GID4: variants seen among roughly 807,000 people sequenced by gnomAD.
The protein encoded by GID4 is glucose-induced degradation protein 4 homolog.
In GID4, 7 loss-of-function variants were observed where a neutral mutation model predicts 32.4. The ratio of observed to expected loss-of-function variants is 0.22; its 90% CI spans 0.12 to 0.41. GID4 has a LOEUF of 0.41. GID4 is among the 10% of genes least tolerant of loss of function. The pLI is 1.00. For missense variants in GID4, 309 were observed against 400.0 expected (o/e 0.77, Z 1.94); for synonymous variants, 166 against 170.0 (o/e 0.98, Z 0.18).
intron 2 of GID4, among the ~76,000 whole-genome samples, chr17:18,047,644 A>G (rs1323562309): frequency 6.6e-6 from 1 of 152,206 alleles, no homozygotes; most frequent in Non-Finnish European, 1.5e-5. Context: ...ACCTCTGCAG[A>G]TGGCGTGGCC....
intron 1 of GID4, among the ~76,000 whole-genome samples, chr17:18,042,781 C>T (rs1567583954): frequency 1.3e-5 from 2 of 152,218 alleles, no homozygotes; most frequent in Non-Finnish European, 2.9e-5. Context: ...GTTCCAGTTT[C>T]TCCACATCCC....
chr17:18,042,606 A>G (rs1353674361), intron 1 of GID4, among the ~76,000 whole-genome samples: 1 of 152,242 alleles, frequency 6.6e-6, no homozygotes, highest in Non-Finnish European at 1.5e-5. Context: ...TACTATGAAT[A>G]ATACTGCTAT....
In GID4 at chr17:18,061,292, G is replaced by T. The variant is rs945845707; in HGVS notation, c.709-553G>T. 6.6e-6 allele frequency among the ~76,000 whole-genome samples: 1 copy of T among 152,088 alleles called. No homozygotes were observed. Among genetic ancestry groups the T allele is most frequent in the Non-Finnish European group, 1.5e-5 (1 of 68,030 alleles). On this transcript the variant is annotated intron_variant, in intron 4 of 5. Coordinates refer to ENST00000268719, the MANE Select transcript of GID4 (RefSeq NM_024052.5). This position sits in a 1 kb window ranked among gnomAD's most constrained non-coding sequence, Gnocchi z 4.4. ...GTGGCAAGCTTGCCTCTCTCCTAAG[G>T]TCCCTGGTAAAGAACAGTACCGTTC...
chr17:18,063,962 C>T (rs925189728), intron 5 of GID4, among the ~76,000 whole-genome samples: 4 of 152,192 alleles, frequency 2.6e-5, no homozygotes, highest in Admixed American at 6.5e-5. Context: ...AGGCCTGTCT[C>T]GAACTCCTGA....
At position 18,039,772 on chromosome 17, in the gene GID4, C is replaced by T. The variant is rs752508173; in HGVS notation, c.308C>T (p.Ser103Leu). 1 of 1,574,328 alleles carries T rather than the reference C, an allele frequency of 6.4e-7. No homozygotes were observed. Among genetic ancestry groups the T allele is most frequent in the Non-Finnish European group, 8.6e-7 (1 of 1,162,536 alleles). The stretch of plus-strand genomic sequence containing the variant: ...GGTGCCTCCGCTGCCTCCGCGGCCT[C>T]ACTCATCCCGCCGCCGCCCATCAAC... The part of the protein sequence containing the change: ...PAGASAASAA[S>L]LIPPPPINTQ... The change falls in exon 1 of 6, where the codon TCA becomes TTA. Residue 103 changes from serine to leucine, a missense_variant. Coordinates refer to ENST00000268719, the MANE Select transcript of GID4 (RefSeq NM_024052.5). The surrounding 1 kb of genome is among the most constrained non-coding windows in gnomAD (Gnocchi z 5.3).
chr17:18,047,420 A>G (rs1395016023), intron 2 of GID4, among the ~76,000 whole-genome samples: 8 of 152,262 alleles, frequency 5.3e-5, no homozygotes, highest in African/African-American at 1.9e-4. Flanking sequence ...TTTGGGTGAT[A>G]ACAAGCTGCA....
At chr17:18,056,849 C>G (rs1164160669) in intron 3 of GID4, 2 of 1,550,532 alleles carry the variant, frequency 1.3e-6, no homozygotes, top group East Asian at 4.9e-5. Context: ...GCTTCCTCCT[C>G]CAACAGTTTG....
chr17:18,059,649 A>G (rs567675074), intron 4 of GID4, among the ~76,000 whole-genome samples: 4 of 152,326 alleles, frequency 2.6e-5, no homozygotes, highest in East Asian at 1.9e-4. Flanking sequence ...AGTTTGTTAA[A>G]TAACTTTGAG....
intron 4 of GID4, among the ~76,000 whole-genome samples, chr17:18,060,766 C>T (rs984648929): frequency 1.1e-4 from 17 of 152,112 alleles, no homozygotes; most frequent in African/African-American, 3.9e-4. Context: ...GACAGTCTCA[C>T]TCTGTTGCCC....
rs575577508 is a variant in GID4 at position 18,061,751 on chromosome 17, G to T, written c.709-94G>T. ...GACTATGAGATCCTATATTTTTCTCGAGTGGTCCTTAGAACCCCCTGATGC... is the reference window on the plus strand; with the variant it reads ...GACTATGAGATCCTATATTTTTCTCTAGTGGTCCTTAGAACCCCCTGATGC... On this transcript the variant is annotated intron_variant, in intron 4 of 5. Transcript: ENST00000268719. The surrounding 1 kb of genome is among the most constrained non-coding windows in gnomAD (Gnocchi z 4.4). 2 of 1,210,540 alleles carry T rather than the reference G, an allele frequency of 1.7e-6. No individual in the cohort carries two copies. Among genetic ancestry groups the T allele is most frequent in the South Asian group, 1.2e-5 (1 of 80,106 alleles). 75.0% of individuals were successfully genotyped at this position (1,210,540 alleles called of 1,614,324 possible).
At chr17:18,054,859 T>A (rs2044949684) in intron 3 of GID4, among the ~76,000 whole-genome samples, 1 of 152,184 alleles carries the variant, frequency 6.6e-6, no homozygotes, top group Admixed American at 6.5e-5. Flanking sequence ...TGTTGTCATA[T>A]AAGTACCATG....
At chr17:18,046,841 G>T (rs1016026497) in intron 2 of GID4, among the ~76,000 whole-genome samples, 1 of 150,170 alleles carries the variant, frequency 6.7e-6, no homozygotes, top group African/African-American at 2.5e-5. Context: ...AGGATCGCTT[G>T]AACCCGGGAG....
At position 18,056,608 on chromosome 17, in the gene GID4, T is replaced by A. The variant is rs2044969616; in HGVS notation, c.607-2260T>A. ...CATATTGGTCCTGCAAAAAGCAAAG[T>A]CTTTGAGGCCCAGTGACACTCAGTT... On this transcript the variant is annotated intron_variant, in intron 3 of 5. Coordinates refer to ENST00000268719, the MANE Select transcript of GID4 (RefSeq NM_024052.5). 4 of 1,267,440 alleles carry A rather than the reference T, an allele frequency of 3.2e-6. No homozygotes were observed. In the African/African-American group the frequency reaches 6.0e-5, roughly 19 times the overall value. 78.5% of individuals were successfully genotyped at this position (1,267,440 alleles called of 1,614,324 possible). A position where few individuals can be genotyped will look rare whatever the true frequency, so the allele number is the denominator to read the frequency against.
intron 1 of GID4, 71 bp from the exon 2 acceptor site, chr17:18,045,076 C>A: frequency 8.1e-7 from 1 of 1,231,836 alleles, no homozygotes; most frequent in Non-Finnish European, 1.2e-6. Context: ...ACAGGATTTG[C>A]AGAGTACCCT....
chr17:18,052,635 A>G (rs1162732287), intron 2 of GID4, among the ~76,000 whole-genome samples: 1 of 152,142 alleles, frequency 6.6e-6, no homozygotes, highest in Non-Finnish European at 1.5e-5. Context: ...GTTGGTTTCT[A>G]CAAATGCAGA....
At chr17:18,056,702 G>A in intron 3 of GID4, 1 of 1,548,192 alleles carries the variant, frequency 6.5e-7, no homozygotes. Flanking sequence ...ACTTCCGTTA[G>A]AACATTGGAA....
intron 3 of GID4, 39 bp from the exon 4 acceptor site, chr17:18,058,826 CCTT>C (rs2044993231): frequency 5.7e-6 from 7 of 1,225,478 alleles, no homozygotes; most frequent in South Asian, 1.2e-5. Flanking sequence ...AGCAGCCTCT[CCTT>C]CTCTCAGTCA....
rs145349168 is a variant in GID4, at chr17:18,064,569, G to T, written c.840-611G>T. Among the ~76,000 whole-genome samples the T allele has an allele frequency of 3.3e-3, 497 of 152,248 alleles. 1 individual carries two copies. The highest frequency in any genetic ancestry group is 0.012 in the African/African-American group (483 of 41,532). Reference sequence around the variant, plus strand: ...AGGTTGTCATCCCAGCATGTAGATTGTCTGCCCCTATTTCTCCTCCCTCTG... The same window carrying T: ...AGGTTGTCATCCCAGCATGTAGATTTTCTGCCCCTATTTCTCCTCCCTCTG... On this transcript the variant is annotated intron_variant, in intron 5 of 5. Coordinates refer to ENST00000268719, the MANE Select transcript of GID4 (RefSeq NM_024052.5).
At chr17:18,050,610 A>G (rs1174999489) in intron 2 of GID4, among the ~76,000 whole-genome samples, 1 of 152,232 alleles carries the variant, frequency 6.6e-6, no homozygotes, top group Non-Finnish European at 1.5e-5. Context: ...TCACAAAAAC[A>G]AAAGTGCCAG....
Sources: allele counts gnomAD v4.1 joint callset (sites outside exome capture counted in the v4.1 genomes callset), GRCh38; gene constraint gnomAD v4.1.1; non-coding constraint Gnocchi (gnomAD v3.1); transcripts MANE v1.5; gene names NCBI Gene and HGNC (gene_info 2026-07-23, HGNC 2026-07-21).